The following TRAPPC4 variants were observed in gnomAD, a reference collection of about 807,000 sequenced individuals.
TRAPPC4 encodes trafficking protein particle complex subunit 4.
In TRAPPC4, 30 loss-of-function variants were observed where a neutral mutation model predicts 23.5. That is an observed-to-expected ratio of 1.28 (90% CI 0.96 to 1.73). TRAPPC4 has a LOEUF of 1.73. Among genes scored for constraint, TRAPPC4 ranks in the 40% most tolerant of loss-of-function variants. The pLI, the probability that TRAPPC4 is intolerant of heterozygous loss-of-function variation, is 0.00. For synonymous variants in TRAPPC4, 129 were observed against 105.3 expected (o/e 1.23, Z -1.38); for missense variants, 252 against 268.9 (o/e 0.94, Z 0.44).
chr11:119,022,062 G>A (rs894750915), intron 4 of TRAPPC4, among the ~76,000 whole-genome samples, 176 bp downstream of exon 4: 1 of 152,214 alleles, frequency 6.6e-6, no homozygotes, highest in Non-Finnish European at 1.5e-5. Context: ...TTGGCTCGCT[G>A]TAACCTCTGC....
chr11:119,023,436 C>G lies in TRAPPC4; in HGVS notation c.*37C>G. ...TATGGACCCCCAAATTCTGAGAGTT[C>G]CTGCAACAAGAATACTGCTGTTGAC... On this transcript the variant is annotated 3_prime_UTR_variant, in exon 5 of 5. Coordinates refer to ENST00000533632, the MANE Select transcript of TRAPPC4 (RefSeq NM_016146.6). The G allele has an allele frequency of 2.5e-6, 4 of 1,597,590 alleles. No homozygotes were observed. The highest frequency in any genetic ancestry group is 3.4e-6 in the Non-Finnish European group (4 of 1,165,296).
chr11:119,022,960 T>TTGG (rs1943422841), intron 4 of TRAPPC4: 2 of 116,272 alleles, frequency 1.7e-5, no homozygotes, highest in Non-Finnish European at 3.7e-5. Flanking sequence ...TGTTGATGTT[T>TTGG]TTTTTTTTTT....
rs1241896503 is a variant in TRAPPC4, at chr11:119,019,124, G to A, written c.176-19G>A. On this transcript the variant is annotated intron_variant, in intron 1 of 4. Coordinates refer to ENST00000533632, the MANE Select transcript of TRAPPC4 (RefSeq NM_016146.6). ...TCCCCGGGCTGCACCTTCGCTGACC[G>A]TTAGCTTCACCTCTGCAGTGGGTCA... 6.2e-6 allele frequency: 10 copies of A among 1,608,596 alleles called. No individual in the cohort carries two copies. The highest frequency in any genetic ancestry group is 8.5e-6 in the Non-Finnish European group (10 of 1,175,788).
intron 3 of TRAPPC4, 31 bp from the exon 4 acceptor site, chr11:119,021,729 G>A (rs781936332): frequency 5.0e-6 from 8 of 1,612,876 alleles, no homozygotes; most frequent in Non-Finnish European, 6.8e-6. Flanking sequence ...CAGTGTCTAC[G>A]CTTTGGTAAC....
At chr11:119,020,404 G>T in intron 3 of TRAPPC4, 151 bp downstream of exon 3, 6 of 606,504 alleles carry the variant, frequency 9.9e-6, no homozygotes, top group Non-Finnish European at 1.8e-5. Flanking sequence ...GCAAGAAGAG[G>T]GGGTGTGCTT....
At position 119,024,115 on chromosome 11, in the gene TRAPPC4, C is replaced by T. The variant is rs915377253; in HGVS notation, c.*716C>T. 6.5e-6 allele frequency: 1 copy of T among 152,872 alleles called. No homozygotes were observed. Among genetic ancestry groups the T allele is most frequent in the Non-Finnish European group, 1.5e-5 (1 of 68,600 alleles). 9.5% of individuals were successfully genotyped at this position (152,872 alleles called of 1,614,324 possible). A position where few individuals can be genotyped will look rare whatever the true frequency, so the allele number is the denominator to read the frequency against. ...CAGTAAACCACTGTTACACTTCTTC[C>T]CTCCATCAAGTTATTTAATCTGTCC... is the stretch of plus-strand genomic sequence containing the variant. On this transcript the variant is annotated 3_prime_UTR_variant, in exon 5 of 5. Coordinates refer to ENST00000533632, the MANE Select transcript of TRAPPC4 (RefSeq NM_016146.6).
At chr11:119,020,036 A>G (rs920740003) in intron 2 of TRAPPC4, 114 bp from the exon 3 acceptor site, 1 of 653,380 alleles carries the variant, frequency 1.5e-6, no homozygotes, top group Non-Finnish European at 2.7e-6. Flanking sequence ...AGTTCACACT[A>G]CTTCTCCTGA....
At chr11:119,023,139 A>C in intron 4 of TRAPPC4, 182 bp from the exon 5 acceptor site, 1 of 488,428 alleles carries the variant, frequency 2.0e-6, no homozygotes. Flanking sequence ...TAATTTTTGT[A>C]TTTTTAGTAG....
chr11:119,019,938 T>C (rs1943299447), intron 2 of TRAPPC4: 3 of 485,494 alleles, frequency 6.2e-6, no homozygotes, highest in East Asian at 6.6e-5. Flanking sequence ...CCCAAAGTTT[T>C]AGATGTAAAA....
intron 2 of TRAPPC4, chr11:119,019,811 G>T: frequency 4.8e-6 from 1 of 207,396 alleles, no homozygotes; most frequent in Non-Finnish European, 9.6e-6. Context: ...AAGAAAGCCA[G>T]TTTAACTAAA....
At position 119,020,217 on chromosome 11, in the gene TRAPPC4, G is replaced by C; in HGVS notation, c.418G>C (p.Asp140His). Reference sequence around the variant, plus strand: ...CTCAGGCATTGAGATGCTGGAGACAGACACATTCAAATTGCACTGCTACCA... The same window carrying C: ...CTCAGGCATTGAGATGCTGGAGACACACACATTCAAATTGCACTGCTACCA... The part of the protein sequence containing the change: ...GSSGIEMLET[D>H]TFKLHCYQTL... Residue 140 changes from aspartate to histidine, a missense_variant, in exon 3 of 5, where the codon GAC becomes CAC. Transcript: ENST00000533632. 3 of 1,613,878 alleles carry C rather than the reference G, an allele frequency of 1.9e-6. No homozygotes were observed. Among genetic ancestry groups the C allele is most frequent in the Non-Finnish European group, 1.7e-6 (2 of 1,179,982 alleles).
intron 2 of TRAPPC4, 197 bp from the exon 3 acceptor site, chr11:119,019,948 ATGTCT>A: frequency 2.0e-6 from 1 of 498,024 alleles, no homozygotes; most frequent in Admixed American, 3.4e-5. Flanking sequence ...TAGATGTAAA[ATGTCT>A]TGTAACAAAG....
At position 119,019,187 on chromosome 11, in the gene TRAPPC4, A is replaced by C. The variant is rs1943260228; in HGVS notation, c.220A>C (p.Arg74=). 6.2e-7 allele frequency: 1 copy of C among 1,614,220 alleles called. No homozygotes were observed. The highest frequency in any genetic ancestry group is 8.5e-7 in the Non-Finnish European group (1 of 1,180,036). ...CATCAATGGCATGGACGTGAATGGC[A>C]GGTACACGGCCGACGGGAAAGAGGT... ...LAINGMDVNG[R]YTADGKEVLE... Residue 74 remains arginine, a synonymous_variant, in exon 2 of 5, where the codon AGG becomes CGG. Transcript: ENST00000533632.
intron 2 of TRAPPC4, 132 bp from the exon 3 acceptor site, chr11:119,020,018 T>C: frequency 5.3e-6 from 3 of 562,300 alleles, no homozygotes; most frequent in Non-Finnish European, 9.5e-6. Flanking sequence ...TTGACACTAC[T>C]GCCAGTCAGT....
chr11:119,022,067 C>G (rs1565682164), intron 4 of TRAPPC4, among the ~76,000 whole-genome samples, 181 bp downstream of exon 4: 2 of 152,204 alleles, frequency 1.3e-5, no homozygotes, highest in Non-Finnish European at 2.9e-5. Flanking sequence ...TCGCTGTAAC[C>G]TCTGCCTCCC....
chr11:119,019,430 A>G, intron 2 of TRAPPC4, 113 bp downstream of exon 2: 2 of 1,183,816 alleles, frequency 1.7e-6, no homozygotes, highest in East Asian at 4.9e-5. Flanking sequence ...TTTAGGTAAT[A>G]ACGGCAGTGG....
At chr11:119,022,744 C>T (rs1380383513) in intron 4 of TRAPPC4, among the ~76,000 whole-genome samples, 1 of 151,708 alleles carries the variant, frequency 6.6e-6, no homozygotes, top group Admixed American at 6.6e-5. Context: ...ACTGAAAATA[C>T]AAAAATTAGC....
chr11:119,021,672 T>C, intron 3 of TRAPPC4, 88 bp from the exon 4 acceptor site: 1 of 1,460,766 alleles, frequency 6.8e-7, no homozygotes, highest in South Asian at 1.3e-5. Flanking sequence ...GAAAGTGTTT[T>C]GCAAAATTGA....
chr11:119,020,980 C>G (rs996778694), intron 3 of TRAPPC4: 1 of 152,388 alleles, frequency 6.6e-6, no homozygotes, highest in Non-Finnish European at 1.5e-5. Context: ...CCACCACTAC[C>G]CGGGTTCAAG....
Sources: gnomAD v4.1 joint callset for allele counts (sites outside exome capture counted in the v4.1 genomes callset) on GRCh38, gnomAD v4.1.1 for gene constraint, MANE v1.5 for transcripts, NCBI Gene and HGNC (gene_info 2026-07-23, HGNC 2026-07-21) for gene names.